The following NFASC variants were observed in gnomAD, a reference collection of about 807,000 sequenced individuals.
NFASC encodes the protein neurofascin, also known as neurofascin homolog.
Under a neutral mutation model 147.5 loss-of-function variants are expected in NFASC, and 43 were observed. That is an observed-to-expected ratio of 0.29 (90% CI 0.23 to 0.38). The LOEUF (loss-of-function observed/expected upper bound fraction) is 0.38. Ranked by LOEUF, NFASC falls within the 10% of genes least tolerant of loss-of-function variation. The pLI, the probability that NFASC is intolerant of heterozygous loss-of-function variation, is 1.00. For missense variants in NFASC, 1,320 were observed against 1,689.0 expected (o/e 0.78, Z 3.83); for synonymous variants, 622 against 665.5 (o/e 0.93, Z 1.01).
intron 8 of NFASC, among the ~76,000 whole-genome samples, chr1:204,963,258 A>G (rs2094777632): frequency 6.6e-6 from 1 of 152,246 alleles, no homozygotes; most frequent in African/African-American, 2.4e-5. Flanking sequence ...CCAAGGAATC[A>G]GGGGACCTTT....
chr1:204,977,008 T>C (rs927935503), intron 16 of NFASC: 3 of 1,311,294 alleles, frequency 2.3e-6, no homozygotes, highest in Non-Finnish European at 2.9e-6. Context: ...AGTGGAGTCA[T>C]TAACTTCCCC....
chr1:204,940,716 C>T (rs985190131), intron 2 of NFASC, among the ~76,000 whole-genome samples: 1 of 152,208 alleles, frequency 6.6e-6, no homozygotes, highest in Non-Finnish European at 1.5e-5. Flanking sequence ...ACCTTTTGTG[C>T]ATGGTTCTTT....
At chr1:204,981,458 G>A (rs1375242353) in intron 20 of NFASC, among the ~76,000 whole-genome samples, 1 of 152,254 alleles carries the variant, frequency 6.6e-6, no homozygotes, top group African/African-American at 2.4e-5. Context: ...TTTACCTTTT[G>A]TCTATATTTT....
In NFASC at chr1:204,883,012, C is replaced by T. The variant is rs533507991; in HGVS notation, c.-199-37620C>T. Among the ~76,000 whole-genome samples the T allele has an allele frequency of 2.0e-5, 3 of 151,864 alleles. No individual in the cohort carries two copies. In the South Asian group the frequency reaches 6.3e-4, roughly 32 times the overall value. On this transcript the variant is annotated intron_variant, in intron 1 of 29. Coordinates refer to ENST00000339876, the MANE Select transcript of NFASC (RefSeq NM_001005388.3). ...AAAACCCGTGTATAGCTGCTGGAGG[C>T]CATGGATAAGGGCTGAAGGTCAAGC...
At chr1:204,858,832 C>G (rs556311987) in intron 1 of NFASC, among the ~76,000 whole-genome samples, 5 of 152,282 alleles carry the variant, frequency 3.3e-5, no homozygotes, top group Non-Finnish European at 7.4e-5. Flanking sequence ...ACTCTTCTTT[C>G]TGGAAAGACC....
At position 204,975,410 on chromosome 1, in the gene NFASC, T is replaced by C; in HGVS notation, c.1698T>C (p.Ile566=). ...SWLKDDEPLY[I]GNRMKKEDDS... ...TGAAGGATGACGAGCCGCTCTATAT[T>C]GGAAACAGGTTTCTCTTCCCCCTTC... The change falls in exon 15 of 30, where the codon ATT becomes ATC. Residue 566 remains isoleucine (I), a synonymous_variant. Transcript: ENST00000339876. This position sits in a 1 kb window ranked among gnomAD's most constrained non-coding sequence, Gnocchi z 4.0. 1.2e-6 allele frequency: 2 copies of C among 1,611,982 alleles called. No homozygotes were observed. Among genetic ancestry groups the C allele is most frequent in the East Asian group, 4.5e-5 (2 of 44,804 alleles).
chr1:204,936,868 T>G (rs529142016), intron 2 of NFASC, among the ~76,000 whole-genome samples: 12 of 149,530 alleles, frequency 8.0e-5, no homozygotes, highest in African/African-American at 3.0e-4. Flanking sequence ...TGCCCTGGAC[T>G]CTCTCTCTGA....
chr1:204,894,511 A>G (rs2083021474), intron 1 of NFASC, among the ~76,000 whole-genome samples: 1 of 152,230 alleles, frequency 6.6e-6, no homozygotes, highest in African/African-American at 2.4e-5. Flanking sequence ...AATTACAAAG[A>G]GCCTAGATAT....
At position 205,016,289 on chromosome 1, in the gene NFASC, T is replaced by C. The variant is rs1468291605; in HGVS notation, c.3492-19T>C. ...CCCCATCTCACCCCACCTGAGATTC[T>C]CTGTCTCTCTTTGGCCAGTGATGAG... On this transcript the variant is annotated intron_variant, in intron 29 of 29. Transcript: ENST00000339876. The surrounding 1 kb of genome is among the most constrained non-coding windows in gnomAD (Gnocchi z 5.1). 2 of 1,571,644 alleles carry C rather than the reference T, an allele frequency of 1.3e-6. No individual in the cohort carries two copies. Among genetic ancestry groups the C allele is most frequent in the Non-Finnish European group, 1.8e-6 (2 of 1,141,710 alleles).
intron 24 of NFASC, among the ~76,000 whole-genome samples, chr1:204,991,908 G>A (rs1340205227): frequency 2.6e-5 from 4 of 152,186 alleles, no homozygotes; most frequent in Admixed American, 1.3e-4. Flanking sequence ...CAGGCACCGT[G>A]GGCTGATTAT....
rs1372218974 is a variant in NFASC at position 204,988,617 on chromosome 1, AC to A, written c.2594-14del. On this transcript the variant is annotated splice_polypyrimidine_tract_variant and intron_variant, in intron 22 of 29. Coordinates refer to ENST00000339876, the MANE Select transcript of NFASC (RefSeq NM_001005388.3). The stretch of plus-strand genomic sequence containing the variant: ...ATGTTGCTAAAGTTTAATTCCACTT[AC>A]CTCTCTCTCCCCAGTTAACGGGACC... 2.5e-6 allele frequency: 4 copies of A among 1,611,910 alleles called. No individual in the cohort carries two copies. In the East Asian group the frequency reaches 8.9e-5, roughly 36 times the overall value.
chr1:204,933,458 G>C (rs1046660185), intron 2 of NFASC, among the ~76,000 whole-genome samples: 18 of 152,106 alleles, frequency 1.2e-4, no homozygotes, highest in African/African-American at 3.9e-4. Context: ...ACTGGAGATG[G>C]GGCACATGAC....
intron 2 of NFASC, among the ~76,000 whole-genome samples, chr1:204,941,878 G>A (rs1249222757): frequency 6.6e-6 from 1 of 152,178 alleles, no homozygotes; most frequent in Non-Finnish European, 1.5e-5. Context: ...AGCCTTCACA[G>A]TATGCCACCC....
chr1:204,981,621 T>G (rs1187019781), intron 20 of NFASC, among the ~76,000 whole-genome samples, 177 bp from the exon 21 acceptor site: 1 of 152,260 alleles, frequency 6.6e-6, no homozygotes, highest in African/African-American at 2.4e-5. Context: ...TCACAGGACC[T>G]TGGGCTTTTG....
chr1:204,986,208 G>T lies in NFASC; in HGVS notation c.2471-1210G>T. On this transcript the variant is annotated intron_variant, in intron 21 of 29. Transcript: ENST00000339876. This position sits in a 1 kb window ranked among gnomAD's most constrained non-coding sequence, Gnocchi z 4.2. ...ACTCCAGCGTGGCTCAGCATGGATG[G>T]CACAAGGTGACTTCTGCGAGGCCTC... 2.2e-6 allele frequency: 2 copies of T among 906,158 alleles called. No homozygotes were observed. The highest frequency in any genetic ancestry group is 3.5e-6 in the Non-Finnish European group (2 of 565,034). 56.1% of individuals were successfully genotyped at this position (906,158 alleles called of 1,614,324 possible). A position where few individuals can be genotyped will look rare whatever the true frequency, so the allele number is the denominator to read the frequency against.
In NFASC at chr1:204,979,079, G is replaced by C; in HGVS notation, c.1978+10G>C. 1 of 1,548,362 alleles carries C rather than the reference G, an allele frequency of 6.5e-7. No individual in the cohort carries two copies. The highest frequency in any genetic ancestry group is 1.4e-5 in the African/African-American group (1 of 73,180). On this transcript the variant is annotated intron_variant, in intron 18 of 29. Coordinates refer to ENST00000339876, the MANE Select transcript of NFASC (RefSeq NM_001005388.3). The surrounding 1 kb of genome is among the most constrained non-coding windows in gnomAD (Gnocchi z 6.0). ...AACAGCCCCATCACAGGTAGCTCAGGGCCTTGCACCCCAAAGCTGGAAAAG... is the reference window on the plus strand; with the variant it reads ...AACAGCCCCATCACAGGTAGCTCAGCGCCTTGCACCCCAAAGCTGGAAAAG...
At position 204,986,647 on chromosome 1, in the gene NFASC, C is replaced by T. The variant is rs965663378; in HGVS notation, c.2471-771C>T. ...GGGTCAAAACCCCTATTTTTTGTTT[C>T]ACATAAATTCAAGTTCATGAATTAA... On this transcript the variant is annotated intron_variant, in intron 21 of 29. Coordinates refer to ENST00000339876, the MANE Select transcript of NFASC (RefSeq NM_001005388.3). This position sits in a 1 kb window ranked among gnomAD's most constrained non-coding sequence, Gnocchi z 4.2. 1.9e-5 allele frequency: 3 copies of T among 157,994 alleles called. No homozygotes were observed. Among genetic ancestry groups the T allele is most frequent in the African/African-American group, 7.2e-5 (3 of 41,532 alleles). The allele number at this position is 157,994 out of a possible 1,614,324, so 9.8% of individuals were successfully genotyped here.
At chr1:204,957,607 A>G in intron 7 of NFASC, 49 bp from the exon 8 acceptor site, 17 of 1,580,700 alleles carry the variant, frequency 1.1e-5, no homozygotes, top group Non-Finnish European at 1.4e-5. Context: ...GGTGGTGATG[A>G]TTACTGTTAT....
rs536172896 is a variant in NFASC, at chr1:204,916,524, G to A, written c.-199-4108G>A. Among the ~76,000 whole-genome samples, 169 of 152,186 alleles carry A rather than the reference G, an allele frequency of 1.1e-3. 1 individual carries two copies. The highest frequency in any genetic ancestry group is 3.4e-3 in the Middle Eastern group (1 of 294). On this transcript the variant is annotated intron_variant, in intron 1 of 29. Transcript: ENST00000339876. ...TTAAATGGCAGTAAAATATTTGTAC[G>A]AAGATTTTGTTTTCCAAGTACTTTC...
Sources: allele counts gnomAD v4.1 joint callset (sites outside exome capture counted in the v4.1 genomes callset), GRCh38; gene constraint gnomAD v4.1.1; non-coding constraint Gnocchi (gnomAD v3.1); transcripts MANE v1.5; gene names NCBI Gene and HGNC (gene_info 2026-07-23, HGNC 2026-07-21).